FHIT: variants seen among roughly 807,000 people sequenced by gnomAD.
FHIT encodes fragile histidine triad diadenosine triphosphatase, also known as bis(5'-adenosyl)-triphosphatase.
FHIT carries 19 observed loss-of-function variants against 17.9 expected under a neutral mutation model. The ratio of observed to expected loss-of-function variants is 1.06; its 90% CI spans 0.74 to 1.56. The LOEUF is 1.56. Among genes scored for constraint, FHIT ranks in the 40% most tolerant of loss-of-function variants. The pLI, the probability that FHIT is intolerant of heterozygous loss-of-function variation, is 0.00. For missense variants in FHIT, 248 were observed against 189.2 expected (o/e 1.31, Z -1.82); for synonymous variants, 81 against 69.7 (o/e 1.16, Z -0.81).
chr3:60,524,442 G>A (rs569585515), intron 5 of FHIT, among the ~76,000 whole-genome samples: 1 of 152,236 alleles, frequency 6.6e-6, no homozygotes, highest in African/African-American at 2.4e-5. Context: ...AACAGCTGCT[G>A]GTTCAAGGGC....
chr3:61,016,108 G>A (rs2032091309), intron 3 of FHIT, among the ~76,000 whole-genome samples: 1 of 152,174 alleles, frequency 6.6e-6, no homozygotes, highest in Admixed American at 6.5e-5. Flanking sequence ...TTTCATAAAA[G>A]TTGTAAACAC....
At chr3:60,598,912 G>A (rs1385884717) in intron 4 of FHIT, among the ~76,000 whole-genome samples, 1 of 152,156 alleles carries the variant, frequency 6.6e-6, no homozygotes, top group East Asian at 1.9e-4. Context: ...TCTGGTGAAA[G>A]TGTTCTAGCA....
intron 3 of FHIT, among the ~76,000 whole-genome samples, chr3:60,896,405 T>C (rs1553761978): frequency 6.6e-6 from 1 of 152,160 alleles, no homozygotes; most frequent in African/African-American, 2.4e-5. Flanking sequence ...CTATTGATAC[T>C]TCTAATCTCC....
At chr3:60,385,802 T>C (rs1488927126) in intron 5 of FHIT, among the ~76,000 whole-genome samples, 1 of 152,094 alleles carries the variant, frequency 6.6e-6, no homozygotes, top group Non-Finnish European at 1.5e-5. Flanking sequence ...GGTCTTGAAC[T>C]CCTGAACTCA....
chr3:60,778,995 C>A (rs556529012), intron 4 of FHIT, among the ~76,000 whole-genome samples: 218 of 152,300 alleles, frequency 1.4e-3, no homozygotes, highest in Non-Finnish European at 2.6e-3. Context: ...TCACCCAACT[C>A]ACAGGTATTT....
At chr3:59,949,018 G>C (rs113081082) in intron 7 of FHIT, among the ~76,000 whole-genome samples, 45 of 152,048 alleles carry the variant, frequency 3.0e-4, no homozygotes, top group Admixed American at 5.9e-4. Context: ...CCCAATAGTT[G>C]GTTTTTCAAC....
chr3:60,466,487 C>T (rs1382873883), intron 5 of FHIT, among the ~76,000 whole-genome samples: 4 of 151,924 alleles, frequency 2.6e-5, no homozygotes, highest in African/African-American at 7.2e-5. Context: ...GGTGTTTCCC[C>T]TTCACTATAT....
chr3:60,752,386 G>A (rs989568709), intron 4 of FHIT, among the ~76,000 whole-genome samples: 4 of 152,134 alleles, frequency 2.6e-5, no homozygotes, highest in African/African-American at 9.7e-5. Context: ...TTGTGCATTC[G>A]ATTTTTCACA....
chr3:61,041,824 T>A (rs2107691559), intron 3 of FHIT, among the ~76,000 whole-genome samples: 1 of 152,290 alleles, frequency 6.6e-6, no homozygotes, highest in South Asian at 2.1e-4. Flanking sequence ...ATAACAAAAG[T>A]AATTATGATA....
chr3:60,156,144 G>A (rs1700679181), intron 5 of FHIT, among the ~76,000 whole-genome samples: 1 of 150,200 alleles, frequency 6.7e-6, no homozygotes, highest in Non-Finnish European at 1.5e-5. Context: ...ATGACGTCAG[G>A]AGTTGGAGAC....
chr3:61,067,092 GA>G (rs1426492507), intron 2 of FHIT, among the ~76,000 whole-genome samples: 1 of 152,194 alleles, frequency 6.6e-6, no homozygotes, highest in Non-Finnish European at 1.5e-5. Context: ...AGAACTTGAG[GA>G]CCCTGGCAGC....
chr3:61,164,879 C>G (rs889363271), intron 2 of FHIT, among the ~76,000 whole-genome samples: 4 of 152,150 alleles, frequency 2.6e-5, no homozygotes, highest in African/African-American at 7.2e-5. Context: ...CTCCCACTTA[C>G]AAGTAAGAAC....
At position 60,465,955 on chromosome 3, in the gene FHIT, G is replaced by C. The variant is rs187639678; in HGVS notation, c.103+70905C>G. 2.2e-4 allele frequency among the ~76,000 whole-genome samples: 33 copies of C among 151,968 alleles called. No individual in the cohort carries two copies. The East Asian group carries it at 6.4e-3, about 29-fold the overall frequency. ...TTGGTATTTTTATATGGATTGCATT[G>C]AATCTGCAGATTGCTTTGGATAGAA... is the stretch of plus-strand genomic sequence containing the variant. On this transcript the variant is annotated intron_variant, in intron 5 of 9. Coordinates refer to ENST00000492590, the MANE Select transcript of FHIT (RefSeq NM_002012.4).
At chr3:60,180,620 T>G (rs1701886935) in intron 5 of FHIT, among the ~76,000 whole-genome samples, 1 of 152,224 alleles carries the variant, frequency 6.6e-6, no homozygotes, top group South Asian at 2.1e-4. Context: ...GAATATAAAA[T>G]GTACATTTTA....
chr3:60,909,907 G>T (rs17632681), intron 3 of FHIT, among the ~76,000 whole-genome samples: 7,778 of 152,194 alleles, frequency 0.051, 252 homozygotes, highest in South Asian at 0.094. Flanking sequence ...TACCAAGGTT[G>T]GCTTGCTCCC....
chr3:60,493,083 T>C (rs9858462), intron 5 of FHIT, among the ~76,000 whole-genome samples: 13,676 of 151,960 alleles, frequency 0.09, 1,015 homozygotes, highest in East Asian at 0.36. Flanking sequence ...TCAGAGAAAA[T>C]GGTTCTTACT....
intron 5 of FHIT, among the ~76,000 whole-genome samples, chr3:60,137,382 G>A (rs951078596): frequency 6.6e-6 from 1 of 152,204 alleles, no homozygotes; most frequent in African/African-American, 2.4e-5. Flanking sequence ...AAGCCCCTCA[G>A]TGAGACAGAA....
At chr3:59,793,561 C>T (rs1303304706) in intron 8 of FHIT, among the ~76,000 whole-genome samples, 3 of 150,904 alleles carry the variant, frequency 2.0e-5, no homozygotes, top group African/African-American at 5.0e-5. Context: ...CCTTCCCCCT[C>T]TTCCCCTCTC....
chr3:60,586,958 A>T (rs1020218298), intron 4 of FHIT, among the ~76,000 whole-genome samples: 3 of 151,994 alleles, frequency 2.0e-5, no homozygotes, highest in African/African-American at 7.2e-5. Context: ...GAGTTTACCT[A>T]TGTAACAAAC....
Sources: gnomAD v4.1 joint callset for allele counts (sites outside exome capture counted in the v4.1 genomes callset) on GRCh38, gnomAD v4.1.1 for gene constraint, MANE v1.5 for transcripts, NCBI Gene and HGNC (gene_info 2026-07-23, HGNC 2026-07-21) for gene names.